The following RIMS2 variants were observed in gnomAD, a reference collection of about 807,000 sequenced individuals.
RIMS2 encodes the protein regulating synaptic membrane exocytosis 2.
Under a neutral mutation model 174.4 loss-of-function variants are expected in RIMS2, and 59 were observed. That is an observed-to-expected ratio of 0.34 (90% CI 0.27 to 0.42). RIMS2 has a LOEUF of 0.42. RIMS2 is among the 10% of genes least tolerant of loss of function. The pLI is 1.00. For synonymous variants in RIMS2, 606 were observed against 572.5 expected, an observed-to-expected ratio of 1.06 and a Z score of -0.84; for missense variants, 1,620 against 1,666.3, an observed-to-expected ratio of 0.97 and a Z score of 0.48.
At chr8:103,620,469 TACTC>T (rs1264984540) in intron 1 of RIMS2, among the ~76,000 whole-genome samples, 2 of 152,200 alleles carry the variant, frequency 1.3e-5, no homozygotes, top group African/African-American at 4.8e-5. Context: ...TATGACTACT[TACTC>T]AAGCTTATCA....
At chr8:103,569,191 C>A (rs990102920) in intron 1 of RIMS2, among the ~76,000 whole-genome samples, 1 of 151,922 alleles carries the variant, frequency 6.6e-6, no homozygotes, top group Non-Finnish European at 1.5e-5. Flanking sequence ...GGTCTTTAAT[C>A]CCCTTGGAGT....
chr8:103,985,794 G>T (rs534210987), intron 16 of RIMS2, among the ~76,000 whole-genome samples: 1 of 152,198 alleles, frequency 6.6e-6, no homozygotes, highest in South Asian at 2.1e-4. Context: ...CTTCTAAAAA[G>T]AAGAAAATTC....
At chr8:104,034,453 T>C (rs1317506607) in intron 19 of RIMS2, among the ~76,000 whole-genome samples, 1 of 150,976 alleles carries the variant, frequency 6.6e-6, no homozygotes, top group African/African-American at 2.4e-5. Context: ...AGTGATTTAC[T>C]TGCAGTATCT....
In RIMS2 at chr8:103,823,992, G is replaced by T. The variant is rs141771525; in HGVS notation, c.698+57455G>T. Among the ~76,000 whole-genome samples, 205 of 151,674 alleles carry T rather than the reference G, an allele frequency of 1.4e-3. 1 individual carries two copies. Among genetic ancestry groups the T allele is most frequent in the African/African-American group, 4.6e-3 (192 of 41,368 alleles). ...TATAACTATAACATTATTCATTATA[G>T]GCATAAAAGCTTATAACACAATTAA... On this transcript the variant is annotated intron_variant, in intron 3 of 23. Coordinates refer to ENST00000504942, the Ensembl canonical transcript of RIMS2.
chr8:104,166,663 C>T (rs1337624388), intron 19 of RIMS2, among the ~76,000 whole-genome samples: 1 of 151,598 alleles, frequency 6.6e-6, no homozygotes, highest in East Asian at 1.9e-4. Context: ...ATATTCAAGA[C>T]CTCAAGCATA....
intron 3 of RIMS2, among the ~76,000 whole-genome samples, chr8:103,791,768 A>G (rs1035914935): frequency 1.2e-4 from 18 of 152,224 alleles, no homozygotes; most frequent in African/African-American, 3.9e-4. Context: ...AGGGGTTGCA[A>G]TCCTAGTCTC....
intron 19 of RIMS2, among the ~76,000 whole-genome samples, chr8:104,242,692 C>A (rs2099308542): frequency 6.6e-6 from 1 of 152,142 alleles, no homozygotes; most frequent in Admixed American, 6.5e-5. Context: ...TACTCTATCA[C>A]CTGTTTTTGA....
At chr8:103,682,466 C>G (rs1041601337) in intron 1 of RIMS2, among the ~76,000 whole-genome samples, 4 of 152,102 alleles carry the variant, frequency 2.6e-5, no homozygotes, top group South Asian at 2.1e-4. Context: ...AAACGTTTGT[C>G]CATTAATTTT....
At chr8:103,810,071 A>T (rs762759828) in intron 3 of RIMS2, among the ~76,000 whole-genome samples, 1 of 152,170 alleles carries the variant, frequency 6.6e-6, no homozygotes, top group Non-Finnish European at 1.5e-5. Flanking sequence ...TCTTGAATAC[A>T]TTTAAGGGCA....
intron 19 of RIMS2, among the ~76,000 whole-genome samples, chr8:104,219,662 T>C (rs1363489993): frequency 1.3e-5 from 2 of 152,190 alleles, no homozygotes; most frequent in Non-Finnish European, 2.9e-5. Context: ...GTGTTTTGCT[T>C]TTAGATGACA....
chr8:104,108,433 A>C (rs1425571459), intron 19 of RIMS2, among the ~76,000 whole-genome samples: 8 of 151,986 alleles, frequency 5.3e-5, no homozygotes, highest in Admixed American at 5.2e-4. Context: ...CTAGGACTAC[A>C]GGCATGCACC....
At chr8:104,229,254 A>G (rs1424296248) in intron 19 of RIMS2, among the ~76,000 whole-genome samples, 1 of 152,182 alleles carries the variant, frequency 6.6e-6, no homozygotes, top group East Asian at 1.9e-4. Context: ...GTTCTCTGCT[A>G]TTATTAAATA....
At chr8:103,752,426 C>T (rs1248726987) in intron 2 of RIMS2, among the ~76,000 whole-genome samples, 10 of 152,042 alleles carry the variant, frequency 6.6e-5, no homozygotes, top group East Asian at 5.8e-4. Flanking sequence ...ATTGACTTGG[C>T]GATGCGGGCT....
intron 19 of RIMS2, among the ~76,000 whole-genome samples, chr8:104,149,228 G>A (rs12674899): frequency 0.22 from 34,015 of 152,200 alleles, 4,587 homozygotes; most frequent in South Asian, 0.43. Context: ...CCAGCAAGAT[G>A]CTGTGAAGAT....
intron 1 of RIMS2, among the ~76,000 whole-genome samples, chr8:103,511,319 AAG>A (rs1308578433): frequency 6.6e-6 from 1 of 152,222 alleles, no homozygotes; most frequent in Non-Finnish European, 1.5e-5. Flanking sequence ...TAACATAGTG[AAG>A]AGTCATTGAA....
At chr8:103,978,463 C>G (rs1434700937) in intron 16 of RIMS2, among the ~76,000 whole-genome samples, 5 of 152,228 alleles carry the variant, frequency 3.3e-5, no homozygotes, top group African/African-American at 4.8e-5. Context: ...GTAACCACTA[C>G]TACCACTTTG....
intron 23 of RIMS2, 86 bp from the exon 30 acceptor site, chr8:104,251,516 T>G: frequency 1.3e-6 from 1 of 763,654 alleles, no homozygotes; most frequent in South Asian, 1.6e-5. Flanking sequence ...ATTAACTGAA[T>G]GTACTTTAGT....
At chr8:103,725,124 C>A (rs2097510788) in intron 2 of RIMS2, among the ~76,000 whole-genome samples, 1 of 152,170 alleles carries the variant, frequency 6.6e-6, no homozygotes, top group Non-Finnish European at 1.5e-5. Context: ...CAGATTACAA[C>A]TCCTATCTCC....
intron 1 of RIMS2, among the ~76,000 whole-genome samples, chr8:103,689,444 A>C (rs2096984607): frequency 1.3e-5 from 2 of 152,260 alleles, no homozygotes; most frequent in Admixed American, 6.5e-5. Context: ...TCCAATGCTG[A>C]AAGTGGGGTT....
Sources: allele counts gnomAD v4.1 joint callset (sites outside exome capture counted in the v4.1 genomes callset), GRCh38; gene constraint gnomAD v4.1.1; transcripts MANE v1.5; gene names NCBI Gene and HGNC (gene_info 2026-07-23, HGNC 2026-07-21).